Variants in GRM7 observed in about 807,000 individuals in gnomAD.
GRM7 encodes metabotropic glutamate receptor 7.
Under a neutral mutation model 84.5 loss-of-function variants are expected in GRM7, and 35 were observed. That is an observed-to-expected ratio of 0.41 (90% CI 0.32 to 0.55). The LOEUF is 0.55. GRM7 is among the 20% of genes least tolerant of loss of function. The pLI is 0.19. For missense variants in GRM7, 1,003 were observed against 1,194.6 expected (o/e 0.84, Z 2.36); for synonymous variants, 487 against 455.1 (o/e 1.07, Z -0.89).
chr3:7,654,096 CCCT>C (rs58132323), intron 8 of GRM7, among the ~76,000 whole-genome samples: 69,628 of 151,660 alleles, frequency 0.46, 16,593 homozygotes, highest in Non-Finnish European at 0.53. Flanking sequence ...TCAAATTCTC[CCCT>C]CACTTCCTCT....
chr3:7,405,722 T>C (rs7621120), intron 4 of GRM7, among the ~76,000 whole-genome samples: 52,859 of 152,002 alleles, frequency 0.35, 10,375 homozygotes, highest in Non-Finnish European at 0.46. Flanking sequence ...AGAGATAATA[T>C]TTTATATACA....
At chr3:7,516,034 G>A (rs1700363767) in intron 7 of GRM7, among the ~76,000 whole-genome samples, 1 of 151,744 alleles carries the variant, frequency 6.6e-6, no homozygotes, top group Non-Finnish European at 1.5e-5. Flanking sequence ...TGACATGGTG[G>A]TACATGCCTG....
At chr3:7,467,901 A>G (rs1045409776) in intron 7 of GRM7, among the ~76,000 whole-genome samples, 2 of 152,220 alleles carry the variant, frequency 1.3e-5, no homozygotes, top group African/African-American at 4.8e-5. Context: ...GAAATTTTTT[A>G]GATTTTATTA....
chr3:7,395,290 A>T (rs1275949398), intron 4 of GRM7, among the ~76,000 whole-genome samples: 1 of 152,166 alleles, frequency 6.6e-6, no homozygotes, highest in East Asian at 1.9e-4. Context: ...ATGATGATTC[A>T]CATGTATCTA....
In GRM7 at chr3:6,862,776, C is replaced by T. The variant is rs773600867; in HGVS notation, c.519+869C>T. ...CCTGACGCAGACCCCAAGCCAAATC[C>T]TCGGCTTGGAGGACGATTCCCGGAG... On this transcript the variant is annotated intron_variant, in intron 1 of 9. Transcript: ENST00000357716. This position sits in a 1 kb window ranked among gnomAD's most constrained non-coding sequence, Gnocchi z 5.2. 62 of 320,010 alleles carry T rather than the reference C, an allele frequency of 1.9e-4. No homozygotes were observed. The highest frequency in any genetic ancestry group is 3.0e-4 in the Non-Finnish European group (49 of 161,234). The allele number at this position is 320,010 out of a possible 1,614,324, so 19.8% of individuals were successfully genotyped here.
intron 1 of GRM7, among the ~76,000 whole-genome samples, chr3:7,003,783 G>T (rs1004683467): frequency 4.6e-5 from 7 of 152,170 alleles, no homozygotes; most frequent in African/African-American, 1.2e-4. Flanking sequence ...AAATGTAGCA[G>T]CTTAAAGCAA....
intron 9 of GRM7, among the ~76,000 whole-genome samples, chr3:7,729,261 G>A (rs1186025820): frequency 6.6e-6 from 1 of 152,144 alleles, no homozygotes; most frequent in African/African-American, 2.4e-5. Context: ...TGCAGCTGAG[G>A]TCAAAAAGGG....
At chr3:6,992,344 T>C (rs1279366518) in intron 1 of GRM7, among the ~76,000 whole-genome samples, 1 of 152,178 alleles carries the variant, frequency 6.6e-6, no homozygotes, top group African/African-American at 2.4e-5. Context: ...TACAGTCAAG[T>C]AGAAGAGATA....
intron 8 of GRM7, among the ~76,000 whole-genome samples, chr3:7,652,140 T>C (rs915735271): frequency 3.3e-5 from 5 of 152,162 alleles, no homozygotes; most frequent in South Asian, 2.1e-4. Context: ...CTGAATAGTA[T>C]ACAGATATTT....
chr3:6,873,888 G>A (rs2124947720), intron 1 of GRM7, among the ~76,000 whole-genome samples: 1 of 152,340 alleles, frequency 6.6e-6, no homozygotes, highest in East Asian at 1.9e-4. Context: ...AAAGCAGGGT[G>A]AAAGAGAGAT....
chr3:6,908,365 G>A (rs1204219003), intron 1 of GRM7, among the ~76,000 whole-genome samples: 1 of 152,052 alleles, frequency 6.6e-6, no homozygotes, highest in Non-Finnish European at 1.5e-5. Flanking sequence ...TTTTCTTTTC[G>A]TCTCATGGAC....
At position 6,861,196 on chromosome 3, in the gene GRM7, G is replaced by A. The variant is rs1336766207; in HGVS notation, c.-193G>A. 2 of 462,994 alleles carry A rather than the reference G, an allele frequency of 4.3e-6. No homozygotes were observed. The allele number at this position is 462,994 out of a possible 1,614,324, so 28.7% of individuals were successfully genotyped here. The stretch of plus-strand genomic sequence containing the variant: ...CCGGCCGGCTAACCCGAGAGCGCGA[G>A]GCGCCCCAGGCTGGCAGGCGCCGCG... On this transcript the variant is annotated 5_prime_UTR_variant, in exon 1 of 10. Coordinates refer to ENST00000357716, the MANE Select transcript of GRM7 (RefSeq NM_000844.4). The surrounding 1 kb of genome is among the most constrained non-coding windows in gnomAD (Gnocchi z 6.4).
chr3:7,728,522 C>T (rs1167452382), intron 9 of GRM7, among the ~76,000 whole-genome samples: 1 of 152,054 alleles, frequency 6.6e-6, no homozygotes, highest in Non-Finnish European at 1.5e-5. Context: ...CTTATCTTAC[C>T]TACAATTTGG....
At chr3:6,888,202 G>T (rs887168003) in intron 1 of GRM7, among the ~76,000 whole-genome samples, 8 of 152,062 alleles carry the variant, frequency 5.3e-5, no homozygotes, top group African/African-American at 1.9e-4. Context: ...TCTGATGGTA[G>T]TTTCTTTTGC....
rs147548975 is a variant in GRM7, at chr3:7,214,430, A to T, written c.736+67762A>T. Among the ~76,000 whole-genome samples, 924 of 152,338 alleles carry T rather than the reference A, an allele frequency of 6.1e-3. 6 individuals are homozygous for T. The highest frequency in any genetic ancestry group is 0.01 in the Non-Finnish European group (707 of 68,026). On this transcript the variant is annotated intron_variant, in intron 2 of 9. Coordinates refer to ENST00000357716, the MANE Select transcript of GRM7 (RefSeq NM_000844.4). ...AAGCCCCTAAGGCTTGACCCCTTAG[A>T]GTTCATCCTATTGGTTTTCTTCACA...
intron 1 of GRM7, among the ~76,000 whole-genome samples, chr3:6,997,735 T>C (rs915350944): frequency 2.6e-5 from 4 of 152,094 alleles, no homozygotes; most frequent in African/African-American, 9.7e-5. Flanking sequence ...TTCCCAACAG[T>C]TCCCCAAAGT....
chr3:7,450,460 A>T (rs1288847136), intron 5 of GRM7, among the ~76,000 whole-genome samples: 1 of 152,196 alleles, frequency 6.6e-6, no homozygotes, highest in Non-Finnish European at 1.5e-5. Context: ...CAGGCAGAAC[A>T]TGAAAAACAC....
At chr3:7,549,363 A>G (rs951266804) in intron 7 of GRM7, among the ~76,000 whole-genome samples, 5 of 152,162 alleles carry the variant, frequency 3.3e-5, no homozygotes, top group African/African-American at 1.2e-4. Flanking sequence ...AATATCACAT[A>G]GGCACCTTAA....
chr3:7,550,270 C>G (rs1394683734), intron 7 of GRM7, among the ~76,000 whole-genome samples: 1 of 141,424 alleles, frequency 7.1e-6, no homozygotes, highest in Non-Finnish European at 1.5e-5. Context: ...CCTCTCCCAA[C>G]CCCCTCCTCC....
Sources: gnomAD v4.1 joint callset for allele counts (sites outside exome capture counted in the v4.1 genomes callset) on GRCh38, gnomAD v4.1.1 for gene constraint, Gnocchi (gnomAD v3.1) non-coding constraint, MANE v1.5 for transcripts, NCBI Gene and HGNC (gene_info 2026-07-23, HGNC 2026-07-21) for gene names.